RIT2: variants seen among roughly 807,000 people sequenced by gnomAD.
RIT2 encodes GTP-binding protein Rit2.
Under a neutral mutation model 23.7 loss-of-function variants are expected in RIT2, and 24 were observed. The observed-to-expected ratio is 1.01, with a 90% CI of 0.73 to 1.43. The LOEUF (loss-of-function observed/expected upper bound fraction) is 1.43, where lower values mean the gene tolerates loss of function less well. Ranked by LOEUF, RIT2 falls within the 40% of genes most tolerant of loss-of-function variation. The pLI, the probability that RIT2 is intolerant of heterozygous loss-of-function variation, is 0.00. For missense variants in RIT2, 236 were observed against 266.9 expected, an observed-to-expected ratio of 0.88 and a Z score of 0.81; for synonymous variants, 107 against 91.1, an observed-to-expected ratio of 1.17 and a Z score of -0.99.
chr18:43,084,984 G>A (rs915901987), intron 1 of RIT2, among the ~76,000 whole-genome samples: 1 of 152,082 alleles, frequency 6.6e-6, no homozygotes, highest in African/African-American at 2.4e-5. Context: ...AGGAGCAGTG[G>A]GAGTATCTTA....
At chr18:42,781,600 C>A (rs912172843) in intron 4 of RIT2, among the ~76,000 whole-genome samples, 4 of 152,052 alleles carry the variant, frequency 2.6e-5, no homozygotes, top group African/African-American at 9.7e-5. Context: ...GCACCAGAAC[C>A]CAGAGGAATG....
intron 2 of RIT2, among the ~76,000 whole-genome samples, chr18:42,980,178 AAAG>A (rs1351774581): frequency 3.9e-5 from 6 of 152,182 alleles, no homozygotes; most frequent in Admixed American, 3.9e-4. Flanking sequence ...GACTCAGGGC[AAAG>A]AAGAACAACC....
At chr18:42,749,218 T>G (rs1266923428) in intron 4 of RIT2, among the ~76,000 whole-genome samples, 1 of 151,926 alleles carries the variant, frequency 6.6e-6, no homozygotes, top group African/African-American at 2.4e-5. Context: ...TGTATTTAAA[T>G]AGTCAATAGG....
chr18:43,048,502 T>C (rs6507512), intron 1 of RIT2, among the ~76,000 whole-genome samples: 130,255 of 152,082 alleles, frequency 0.86, 57,111 homozygotes, highest in Non-Finnish European at 0.97. Flanking sequence ...AGCAATTAGT[T>C]CTCTTTCATA....
intron 4 of RIT2, among the ~76,000 whole-genome samples, chr18:42,877,754 C>T (rs769064161): frequency 2.6e-5 from 4 of 151,556 alleles, no homozygotes; most frequent in South Asian, 2.1e-4. Context: ...CCTTATCTGA[C>T]GAGTTGTAGA....
chr18:42,936,003 A>G (rs1169217718), intron 3 of RIT2, among the ~76,000 whole-genome samples: 1 of 151,358 alleles, frequency 6.6e-6, no homozygotes, highest in Admixed American at 6.6e-5. Context: ...TACATCCGAG[A>G]TACAGTGCGA....
chr18:42,910,788 C>A (rs536411810), intron 4 of RIT2, among the ~76,000 whole-genome samples: 5 of 152,104 alleles, frequency 3.3e-5, no homozygotes, highest in Admixed American at 3.3e-4. Context: ...TGTGTTTGGA[C>A]CAAACAACGG....
At chr18:42,951,602 T>A (rs35619693) in intron 3 of RIT2, among the ~76,000 whole-genome samples, 20,055 of 151,556 alleles carry the variant, frequency 0.13, 2,235 homozygotes, top group East Asian at 0.39. Flanking sequence ...GAAAAAAATA[T>A]ATATATATAT....
intron 4 of RIT2, among the ~76,000 whole-genome samples, chr18:42,909,482 C>G (rs928834560): frequency 3.9e-5 from 6 of 152,026 alleles, no homozygotes; most frequent in African/African-American, 1.4e-4. Context: ...TTTAAAAACC[C>G]TCCAGTTTTC....
intron 4 of RIT2, among the ~76,000 whole-genome samples, chr18:42,795,574 C>CT (rs1905321093): frequency 6.6e-6 from 1 of 152,236 alleles, no homozygotes; most frequent in Admixed American, 6.5e-5. Flanking sequence ...CCCTGCTCCA[C>CT]GGCGCCCAGT....
intron 4 of RIT2, among the ~76,000 whole-genome samples, chr18:42,889,789 G>A (rs1040079053): frequency 5.9e-5 from 9 of 152,068 alleles, no homozygotes; most frequent in Admixed American, 5.2e-4. Context: ...AAGCAGACAT[G>A]TGTGTTGACA....
chr18:43,039,056 C>T (rs1912062759), intron 1 of RIT2, among the ~76,000 whole-genome samples: 1 of 152,064 alleles, frequency 6.6e-6, no homozygotes, highest in African/African-American at 2.4e-5. Flanking sequence ...AGATGAATAC[C>T]ACTTTTCTAC....
At chr18:42,776,917 A>C (rs916908677) in intron 4 of RIT2, among the ~76,000 whole-genome samples, 1 of 152,204 alleles carries the variant, frequency 6.6e-6, no homozygotes, top group African/African-American at 2.4e-5. Context: ...TAGACTTTAG[A>C]AAGTCTAGAG....
At chr18:42,863,900 A>G (rs1362794455) in intron 4 of RIT2, among the ~76,000 whole-genome samples, 1 of 152,192 alleles carries the variant, frequency 6.6e-6, no homozygotes, top group African/African-American at 2.4e-5. Context: ...GCCAAAATAA[A>G]TAATCGGGGT....
intron 4 of RIT2, among the ~76,000 whole-genome samples, chr18:42,796,871 C>T (rs575957184): frequency 2.3e-4 from 35 of 152,226 alleles, no homozygotes; most frequent in African/African-American, 8.4e-4. Context: ...AACTATAGTT[C>T]CTGCCTCCTT....
chr18:42,935,158 C>T (rs1909421151), intron 3 of RIT2, among the ~76,000 whole-genome samples: 1 of 152,100 alleles, frequency 6.6e-6, no homozygotes, highest in Non-Finnish European at 1.5e-5. Context: ...ACTGCCTTTA[C>T]CACTTGTTCA....
chr18:43,045,374 T>C (rs896519234), intron 1 of RIT2, among the ~76,000 whole-genome samples: 3 of 152,176 alleles, frequency 2.0e-5, no homozygotes, highest in Admixed American at 6.5e-5. Context: ...ATTGTTATCA[T>C]TTGCCACAAT....
intron 4 of RIT2, among the ~76,000 whole-genome samples, chr18:42,873,379 C>G (rs1469244510): frequency 6.6e-6 from 1 of 152,024 alleles, no homozygotes; most frequent in Non-Finnish European, 1.5e-5. Flanking sequence ...ATTATTAGTT[C>G]CCCTCCGAGT....
intron 4 of RIT2, among the ~76,000 whole-genome samples, chr18:42,816,599 T>C (rs1003555198): frequency 3.9e-5 from 6 of 152,108 alleles, no homozygotes; most frequent in Non-Finnish European, 8.8e-5. Context: ...TTACATAACA[T>C]TGTTCCCAAG....
Sources: allele counts gnomAD v4.1 joint callset (sites outside exome capture counted in the v4.1 genomes callset), GRCh38; gene constraint gnomAD v4.1.1; transcripts MANE v1.5; gene names NCBI Gene and HGNC (gene_info 2026-07-23, HGNC 2026-07-21).